PDS5B: variants seen among roughly 807,000 people sequenced by gnomAD.
PDS5B encodes the protein sister chromatid cohesion protein PDS5 homolog B.
Under a neutral mutation model 184.1 loss-of-function variants are expected in PDS5B, and 51 were observed. The observed-to-expected ratio is 0.28, with a 90% CI of 0.22 to 0.35. PDS5B has a LOEUF of 0.35. PDS5B is among the 10% of genes least tolerant of loss of function. The pLI, the probability that PDS5B is intolerant of heterozygous loss-of-function variation, is 1.00. For synonymous variants in PDS5B, 566 were observed against 569.2 expected (o/e 0.99, Z 0.08); for missense variants, 1,180 against 1,723.3 (o/e 0.68, Z 5.58).
At chr13:32,621,648 C>A (rs1242151902) in intron 1 of PDS5B, among the ~76,000 whole-genome samples, 1 of 149,856 alleles carries the variant, frequency 6.7e-6, no homozygotes, top group Non-Finnish European at 1.5e-5. Context: ...TACATTTCTT[C>A]TTGAATAATT....
intron 2 of PDS5B, among the ~76,000 whole-genome samples, chr13:32,651,093 C>T (rs1950356443): frequency 2.0e-5 from 3 of 152,172 alleles, no homozygotes; most frequent in African/African-American, 4.8e-5. Flanking sequence ...TCTGAGAATT[C>T]ATGGTATACC....
intron 17 of PDS5B, among the ~76,000 whole-genome samples, chr13:32,704,765 T>G (rs1199734846): frequency 6.6e-6 from 1 of 152,242 alleles, no homozygotes; most frequent in Non-Finnish European, 1.5e-5. Context: ...TTCTTCCATA[T>G]GAGACTTAGT....
At chr13:32,607,047 T>G (rs974965642) in intron 1 of PDS5B, among the ~76,000 whole-genome samples, 22 of 152,268 alleles carry the variant, frequency 1.4e-4, no homozygotes, top group African/African-American at 5.1e-4. Context: ...ATCTAAAGCC[T>G]TCTTCTCTCA....
rs527963021 is a variant in PDS5B at position 32,760,176 on chromosome 13, C to T, written c.3373-399C>T. ...TTCACTGTGTTAGCCAGGATGGTCT[C>T]GATCTCCTGACCTCGTGATACACCC... On this transcript the variant is annotated intron_variant, in intron 29 of 34. Coordinates refer to ENST00000315596, the MANE Select transcript of PDS5B (RefSeq NM_015032.4). Among the ~76,000 whole-genome samples, 118 of 152,232 alleles carry T rather than the reference C, an allele frequency of 7.8e-4. 1 individual carries two copies. Among genetic ancestry groups the T allele is most frequent in the Middle Eastern group, 6.8e-3 (2 of 294 alleles).
intron 11 of PDS5B, among the ~76,000 whole-genome samples, chr13:32,686,710 AGTT>A (rs1455026867): frequency 6.6e-6 from 1 of 152,202 alleles, no homozygotes; most frequent in Admixed American, 6.5e-5. Flanking sequence ...GCTTGAGCCC[AGTT>A]GTTCATGACT....
intron 19 of PDS5B, among the ~76,000 whole-genome samples, chr13:32,717,982 T>A (rs899392019): frequency 3.5e-4 from 47 of 134,918 alleles, no homozygotes; most frequent in Non-Finnish European, 5.8e-4. Flanking sequence ...AAAAAGAGAA[T>A]TTAAATAATA....
At chr13:32,650,916 A>G (rs756739537) in intron 2 of PDS5B, among the ~76,000 whole-genome samples, 3 of 152,190 alleles carry the variant, frequency 2.0e-5, no homozygotes, top group Non-Finnish European at 4.4e-5. Flanking sequence ...CTTGTTGCCT[A>G]GTATTTGCAG....
At chr13:32,734,230 T>G (rs1356945552) in intron 20 of PDS5B, among the ~76,000 whole-genome samples, 1 of 151,570 alleles carries the variant, frequency 6.6e-6, no homozygotes, top group African/African-American at 2.4e-5. Context: ...TTCCACCATG[T>G]TGGCCTGGCT....
chr13:32,666,084 G>C (rs1470473663), intron 6 of PDS5B, among the ~76,000 whole-genome samples: 2 of 152,004 alleles, frequency 1.3e-5, no homozygotes, highest in Admixed American at 6.6e-5. Context: ...GTATTTGTTT[G>C]TTTGTTTGTT....
intron 29 of PDS5B, 112 bp downstream of exon 29, chr13:32,759,802 A>G (rs1309606587): frequency 5.3e-6 from 3 of 571,000 alleles, no homozygotes. Context: ...CAAGCTGGAA[A>G]ATATAAGAAT....
At chr13:32,675,990 A>G in intron 9 of PDS5B, 31 bp downstream of exon 9, 2 of 1,264,212 alleles carry the variant, frequency 1.6e-6, no homozygotes, top group East Asian at 2.3e-5. Context: ...ATTTAAAAGT[A>G]ATACATTATT....
intron 1 of PDS5B, among the ~76,000 whole-genome samples, chr13:32,616,104 A>T (rs1383033762): frequency 1.3e-5 from 2 of 150,602 alleles, no homozygotes; most frequent in Non-Finnish European, 3.0e-5. Context: ...CCCAGGCTGG[A>T]GTGCAATGGC....
At chr13:32,725,286 C>T (rs114572375) in intron 19 of PDS5B, among the ~76,000 whole-genome samples, 327 of 152,242 alleles carry the variant, frequency 2.1e-3, no homozygotes, top group African/African-American at 7.6e-3. Flanking sequence ...AACGGGTTTA[C>T]GCATATTTGT....
At chr13:32,751,650 A>G (rs1953985151) in intron 24 of PDS5B, among the ~76,000 whole-genome samples, 2 of 152,124 alleles carry the variant, frequency 1.3e-5, no homozygotes, top group South Asian at 2.1e-4. Context: ...CTGTGTGTAT[A>G]TCTTCTTTTG....
chr13:32,632,791 A>C (rs1173620499), intron 1 of PDS5B, among the ~76,000 whole-genome samples: 1 of 152,170 alleles, frequency 6.6e-6, no homozygotes, highest in Non-Finnish European at 1.5e-5. Context: ...TATACATATA[A>C]TATTCAGTCA....
At position 32,651,804 on chromosome 13, in the gene PDS5B, A is replaced by T. The variant is rs1191950703; in HGVS notation, c.109A>T (p.Met37Leu). Residue 37 changes from methionine (M) to leucine (L), a missense_variant and splice_region_variant, in exon 3 of 35, where the codon ATG becomes TTG. This residue lies in a region of PDS5B where 22 missense variants were observed against 79.3 expected (regional missense o/e 0.28). Transcript: ENST00000315596. ...SKEEMVRRLK[M>L]VVKTFMDMDQ... ...TATTTGATTTTTTATTTTTGTATAG[A>T]TGGTTGTGAAAACTTTTATGGATAT... is the stretch of plus-strand genomic sequence containing the variant. 6.3e-7 allele frequency: 1 copy of T among 1,579,754 alleles called. No individual in the cohort carries two copies. Among genetic ancestry groups the T allele is most frequent in the African/African-American group, 1.3e-5 (1 of 74,124 alleles).
At chr13:32,658,032 G>T (rs543885234) in intron 3 of PDS5B, among the ~76,000 whole-genome samples, 1 of 152,040 alleles carries the variant, frequency 6.6e-6, no homozygotes, top group Admixed American at 6.5e-5. Flanking sequence ...ATGATTTACT[G>T]TTTTCCTATG....
chr13:32,638,146 G>T (rs139928991), intron 1 of PDS5B, among the ~76,000 whole-genome samples: 8 of 152,248 alleles, frequency 5.3e-5, no homozygotes, highest in African/African-American at 1.7e-4. Context: ...GGATAGCTTG[G>T]ACTTGCCGAC....
At chr13:32,630,159 C>T (rs2058432119) in intron 1 of PDS5B, among the ~76,000 whole-genome samples, 2 of 152,206 alleles carry the variant, frequency 1.3e-5, no homozygotes, top group African/African-American at 4.8e-5. Context: ...AAGCTCTGCT[C>T]CATCTCCCCA....
Sources: gnomAD v4.1 joint callset for allele counts (sites outside exome capture counted in the v4.1 genomes callset) on GRCh38, gnomAD v4.1.1 for gene constraint, gnomAD v4.1.1 regional missense constraint, MANE v1.5 for transcripts, NCBI Gene and HGNC (gene_info 2026-07-23, HGNC 2026-07-21) for gene names.